Variants in CNTN5 observed in about 807,000 individuals in gnomAD.
CNTN5 encodes contactin 5, also known as contactin-5.
Under a neutral mutation model 129.1 loss-of-function variants are expected in CNTN5, and 77 were observed. That is an observed-to-expected ratio of 0.60 (90% CI 0.50 to 0.72). The LOEUF is 0.72. CNTN5 is among the 30% of genes least tolerant of loss of function. CNTN5 has a pLI of 0.00. For missense variants in CNTN5, 1,478 were observed against 1,328.8 expected (o/e 1.11, Z -1.75); for synonymous variants, 509 against 465.6 (o/e 1.09, Z -1.20).
chr11:100,342,152 GACACACACACACAC>G lies in CNTN5; in HGVS notation c.3030+965_3030+978del, dbSNP rs3220443. 4.8e-5 allele frequency among the ~76,000 whole-genome samples: 7 copies of G among 147,006 alleles called. No homozygotes were observed. The East Asian group carries it at 8.1e-4, about 17-fold the overall frequency. On this transcript the variant is annotated intron_variant, in intron 23 of 24. Coordinates refer to ENST00000524871, the MANE Select transcript of CNTN5 (RefSeq NM_014361.4). ...CCTACTGTAATTAGGATAGATCACA[GACACACACACACAC>G]ACACACACACACACACAAGTCCATC...
At chr11:100,337,574 C>G (rs775825806) in intron 21 of CNTN5, 1 of 740,920 alleles carries the variant, frequency 1.3e-6, no homozygotes, top group African/African-American at 1.7e-5. Flanking sequence ...ATGAGGGGCA[C>G]GTCTATTCTA....
intron 3 of CNTN5, among the ~76,000 whole-genome samples, chr11:99,608,218 A>G (rs962951145): frequency 6.6e-6 from 1 of 152,132 alleles, no homozygotes; most frequent in Non-Finnish European, 1.5e-5. Context: ...TTTAATAAAT[A>G]TGTGTTGTCC....
chr11:99,336,871 A>C (rs1866249878), intron 2 of CNTN5, among the ~76,000 whole-genome samples: 1 of 152,160 alleles, frequency 6.6e-6, no homozygotes, highest in African/African-American at 2.4e-5. Flanking sequence ...ATGTTTACTA[A>C]ACAGTAGATA....
intron 23 of CNTN5, among the ~76,000 whole-genome samples, chr11:100,347,163 A>G (rs971232521): frequency 1.3e-5 from 2 of 152,120 alleles, no homozygotes; most frequent in African/African-American, 4.8e-5. Flanking sequence ...TGTTTATGCA[A>G]CTTAGATATC....
At chr11:99,969,691 C>T (rs529596062) in intron 8 of CNTN5, among the ~76,000 whole-genome samples, 1 of 152,206 alleles carries the variant, frequency 6.6e-6, no homozygotes, top group South Asian at 2.1e-4. Context: ...TTTCATCTTT[C>T]CTGGCAGTTT....
At chr11:99,346,237 C>T (rs1221996336) in intron 2 of CNTN5, among the ~76,000 whole-genome samples, 1 of 152,114 alleles carries the variant, frequency 6.6e-6, no homozygotes, top group Non-Finnish European at 1.5e-5. Context: ...AGCAATAATT[C>T]TGCTTAATTG....
intron 3 of CNTN5, among the ~76,000 whole-genome samples, chr11:99,659,118 G>A (rs1391040495): frequency 6.6e-6 from 1 of 151,994 alleles, no homozygotes; most frequent in Non-Finnish European, 1.5e-5. Context: ...GGGAATGAAA[G>A]ATACATGATC....
In CNTN5 at chr11:99,031,764, C is replaced by CT. The variant is rs926075957; in HGVS notation, c.-210+10505dup. On this transcript the variant is annotated intron_variant, in intron 1 of 24. Coordinates refer to ENST00000524871, the MANE Select transcript of CNTN5 (RefSeq NM_014361.4). ...TAAATTCATGGCTTAGTTTTTCTTTCTTTTTTTTTTTATTATTATACTTTA... is the reference window on the plus strand; with the variant it reads ...TAAATTCATGGCTTAGTTTTTCTTTCTTTTTTTTTTTTATTATTATACTTTA... Among the ~76,000 whole-genome samples, 170 of 144,744 alleles carry CT rather than the reference C, an allele frequency of 1.2e-3. 1 individual carries two copies. The highest frequency in any genetic ancestry group is 9.5e-3 in the East Asian group (47 of 4,970). The allele number at this position is 144,744 out of a possible 152,430, so 95.0% of individuals were successfully genotyped here.
chr11:100,082,298 T>C (rs1456510661), intron 13 of CNTN5, among the ~76,000 whole-genome samples: 2 of 152,198 alleles, frequency 1.3e-5, no homozygotes, highest in African/African-American at 2.4e-5. Flanking sequence ...TTTGCTTTTA[T>C]TGAGATAGGG....
chr11:99,560,845 GAGA>G (rs919553298), intron 3 of CNTN5, among the ~76,000 whole-genome samples: 17 of 152,266 alleles, frequency 1.1e-4, no homozygotes, highest in Non-Finnish European at 2.5e-4. Context: ...CAATAAGCAA[GAGA>G]AGAAGTTTAG....
intron 3 of CNTN5, among the ~76,000 whole-genome samples, chr11:99,691,367 T>A (rs1337238871): frequency 6.6e-6 from 1 of 152,142 alleles, no homozygotes; most frequent in Non-Finnish European, 1.5e-5. Flanking sequence ...TCTTTCTAGC[T>A]TTTTAATGTG....
chr11:99,545,324 G>A (rs574833068), intron 2 of CNTN5, among the ~76,000 whole-genome samples: 3 of 152,218 alleles, frequency 2.0e-5, no homozygotes, highest in East Asian at 3.9e-4. Flanking sequence ...CTGTGGTTTC[G>A]ACTGCCAGAT....
At chr11:99,536,523 A>G (rs1296370831) in intron 2 of CNTN5, among the ~76,000 whole-genome samples, 1 of 152,098 alleles carries the variant, frequency 6.6e-6, no homozygotes, top group Non-Finnish European at 1.5e-5. Context: ...TAAACAGTAC[A>G]ATTTTGTGCT....
chr11:99,751,145 T>G (rs905884984), intron 3 of CNTN5, among the ~76,000 whole-genome samples: 9 of 152,150 alleles, frequency 5.9e-5, no homozygotes, highest in Non-Finnish European at 1.2e-4. Context: ...GAGAACAGCC[T>G]GACCAACATA....
intron 3 of CNTN5, among the ~76,000 whole-genome samples, chr11:99,722,546 T>C (rs2135037284): frequency 6.6e-6 from 1 of 152,114 alleles, no homozygotes; most frequent in African/African-American, 2.4e-5. Flanking sequence ...AATACCTGGG[T>C]AATTAAATAA....
At chr11:99,277,881 A>G (rs1337162560) in intron 1 of CNTN5, among the ~76,000 whole-genome samples, 1 of 151,738 alleles carries the variant, frequency 6.6e-6, no homozygotes, top group Non-Finnish European at 1.5e-5. Flanking sequence ...GACAGGGTTT[A>G]CAAAATTCCC....
chr11:99,519,787 A>G (rs1005027127), intron 2 of CNTN5, among the ~76,000 whole-genome samples: 1 of 152,096 alleles, frequency 6.6e-6, no homozygotes, highest in African/African-American at 2.4e-5. Flanking sequence ...GGAAAAAAAG[A>G]AGAGCATTTT....
intron 3 of CNTN5, among the ~76,000 whole-genome samples, chr11:99,678,522 C>T (rs140506629): frequency 2.6e-5 from 4 of 152,084 alleles, no homozygotes; most frequent in African/African-American, 9.6e-5. Context: ...AGCACTTATA[C>T]GAGAAAGAAA....
chr11:99,186,234 T>C (rs1374182887), intron 1 of CNTN5, among the ~76,000 whole-genome samples: 1 of 151,956 alleles, frequency 6.6e-6, no homozygotes, highest in African/African-American at 2.4e-5. Flanking sequence ...GAGGAAGAGT[T>C]CCATTACTCA....
Sources: allele counts gnomAD v4.1 joint callset (sites outside exome capture counted in the v4.1 genomes callset), GRCh38; gene constraint gnomAD v4.1.1; transcripts MANE v1.5; gene names NCBI Gene and HGNC (gene_info 2026-07-23, HGNC 2026-07-21).